Variants in POM121C observed in about 807,000 individuals in gnomAD.
POM121C encodes POM121 transmembrane nucleoporin C.
Under a neutral mutation model 66.4 loss-of-function variants are expected in POM121C, and 20 were observed. The ratio of observed to expected loss-of-function variants is 0.30; its 90% confidence interval spans 0.21 to 0.44. POM121C has a LOEUF of 0.44. POM121C is among the 20% of genes least tolerant of loss of function. The pLI is 1.00. For missense variants in POM121C, 580 were observed against 1,225.7 expected (o/e 0.47, Z 7.87); for synonymous variants, 286 against 528.0 (o/e 0.54, Z 6.28).
chr7:75,423,340 C>T, intron 12 of POM121C, 137 bp from the exon 13 acceptor site: 1 of 720,640 alleles, frequency 1.4e-6, no homozygotes, highest in Non-Finnish European at 2.3e-6. Context: ...TAAGTCTACA[C>T]TACAGGCCTG....
At chr7:75,433,936 T>C (rs1422285695) in intron 7 of POM121C, among the ~76,000 whole-genome samples, 2 of 152,198 alleles carry the variant, frequency 1.3e-5, no homozygotes, top group Non-Finnish European at 2.9e-5. Context: ...GATAACTTCC[T>C]AAAGGTAAAG....
At chr7:75,448,910 T>C (rs1162080891) in intron 3 of POM121C, among the ~76,000 whole-genome samples, 1 of 150,798 alleles carries the variant, frequency 6.6e-6, no homozygotes, top group African/African-American at 2.4e-5. Context: ...AAAGGAAAGG[T>C]AGAAAACCTT....
Position 75,418,516 on chromosome 7 carries a change from A to ACC in POM121C, c.*279_*280insGG, listed in dbSNP as rs1426605940. On this transcript the variant is annotated 3_prime_UTR_variant, in exon 15 of 15. Coordinates refer to ENST00000615331, the MANE Select transcript of POM121C (RefSeq NM_001099415.3). ...CGCTAAGCGGGAGTCAGGGCAGCGG[A>ACC]CACTATGTACAGGTCCTTAGTTCTC... The ACC allele has an allele frequency of 8.4e-7, 1 of 1,191,416 alleles. No homozygotes were observed. The highest frequency in any genetic ancestry group is 1.6e-5 in the African/African-American group (1 of 61,970). 73.8% of individuals were successfully genotyped at this position (1,191,416 alleles called of 1,614,324 possible). A position where few individuals can be genotyped will look rare whatever the true frequency, so the allele number is the denominator to read the frequency against.
rs1789556790 is a variant in POM121C at position 75,418,316 on chromosome 7, G to A, written c.*480C>T. 8.3e-6 allele frequency: 8 copies of A among 967,360 alleles called. No individual in the cohort carries two copies. The South Asian group carries it at 3.8e-4, about 46-fold the overall frequency. 59.9% of individuals were successfully genotyped at this position (967,360 alleles called of 1,614,324 possible). A position where few individuals can be genotyped will look rare whatever the true frequency, so the allele number is the denominator to read the frequency against. ...ATGGGGAAACAGAGTCCCCAGAAGG[G>A]ACCAGAGGAAGAGAACCACTTCTCA... On this transcript the variant is annotated 3_prime_UTR_variant, in exon 15 of 15. Coordinates refer to ENST00000615331, the MANE Select transcript of POM121C (RefSeq NM_001099415.3).
chr7:75,456,515 A>G (rs1791217737), intron 3 of POM121C, among the ~76,000 whole-genome samples: 3 of 152,176 alleles, frequency 2.0e-5, no homozygotes, highest in African/African-American at 7.2e-5. Flanking sequence ...GGCCCCAGTG[A>G]ACAGACGAAA....
intron 12 of POM121C, among the ~76,000 whole-genome samples, chr7:75,423,626 C>T (rs1203044205): frequency 5.3e-5 from 8 of 151,874 alleles, no homozygotes; most frequent in East Asian, 1.9e-4. Context: ...AAGAGGTGTG[C>T]GCGCGCAGTG....
intron 3 of POM121C, among the ~76,000 whole-genome samples, chr7:75,449,843 C>G (rs372278065): frequency 6.6e-6 from 1 of 151,826 alleles, no homozygotes; most frequent in South Asian, 2.1e-4. Context: ...TGGCCAGGCC[C>G]GTCTCTACTA....
intron 3 of POM121C, among the ~76,000 whole-genome samples, chr7:75,456,706 T>C (rs587603672): frequency 1.4e-4 from 21 of 152,390 alleles, no homozygotes; most frequent in African/African-American, 4.8e-4. Flanking sequence ...GGAAGCAAAA[T>C]GTATTGCCGC....
intron 1 of POM121C, among the ~76,000 whole-genome samples, chr7:75,481,404 A>C (rs1164970955): frequency 2.0e-5 from 3 of 152,118 alleles, no homozygotes; most frequent in African/African-American, 7.2e-5. Flanking sequence ...AATATTTACT[A>C]TCTGTTTAAA....
intron 3 of POM121C, among the ~76,000 whole-genome samples, chr7:75,455,781 C>T (rs1433253368): frequency 2.0e-5 from 3 of 152,162 alleles, no homozygotes; most frequent in African/African-American, 7.2e-5. Context: ...CATTGCATTC[C>T]TATCAGTTTA....
intron 3 of POM121C, among the ~76,000 whole-genome samples, chr7:75,452,155 C>G (rs1377346119): frequency 1.3e-4 from 19 of 151,816 alleles, no homozygotes; most frequent in South Asian, 6.2e-4. Context: ...CAGAGTGAGA[C>G]TCCGCCTCAA....
Position 75,422,897 on chromosome 7 carries a change from G to GC in POM121C, c.1354dup (p.Ala452GlyfsTer23). The GC allele has an allele frequency of 6.4e-7, 1 of 1,566,706 alleles. No homozygotes were observed. Among genetic ancestry groups the GC allele is most frequent in the Non-Finnish European group, 8.6e-7 (1 of 1,156,604 alleles). ...AGATGCTGAAGATGCAGCAGGGGCG[G>GC]CAGGGCTGGAAGGTGAGGTGTTCTG... On this transcript the variant is annotated frameshift_variant, in exon 13 of 15. Transcript: ENST00000615331. LOFTEE classifies it high-confidence loss of function.
At chr7:75,423,878 C>T (rs1554471301) in intron 12 of POM121C, among the ~76,000 whole-genome samples, 171 bp downstream of exon 12, 1 of 152,238 alleles carries the variant, frequency 6.6e-6, no homozygotes, top group Non-Finnish European at 1.5e-5. Context: ...TCTAACACTT[C>T]CTGATGTGGG....
At chr7:75,472,473 A>G (rs1791916722) in intron 3 of POM121C, among the ~76,000 whole-genome samples, 1 of 152,034 alleles carries the variant, frequency 6.6e-6, no homozygotes, top group African/African-American at 2.4e-5. Context: ...AGATTGTGCC[A>G]CTGCACTCCA....
At chr7:75,434,644 G>A (rs587719796) in intron 7 of POM121C, among the ~76,000 whole-genome samples, 1 of 148,080 alleles carries the variant, frequency 6.8e-6, no homozygotes, top group South Asian at 2.1e-4. Context: ...GTGCAGTGGC[G>A]CTATCTCTGC....
chr7:75,425,655 T>C lies in POM121C; in HGVS notation c.626A>G (p.Lys209Arg), dbSNP rs429710. The C allele has an allele frequency of 2.0e-5, 33 of 1,609,860 alleles. No individual in the cohort carries two copies. Among genetic ancestry groups the C allele is most frequent in the East Asian group, 2.2e-5 (1 of 44,864 alleles). The change falls in exon 9 of 15, where the codon AAG (lysine) becomes AGG (arginine). Residue 209 changes from lysine to arginine, a missense_variant. Lys to Arg is a conservative substitution (Grantham distance 26). Transcript: ENST00000615331. ...SSSSTPLAAD[K>R]ESQGEKAADT... ...CCTACCCTTTTCTCCCTGGGACTCCTTGTCTGCTGCCAATGGAGTTGAAGA... is the reference window on the plus strand; with the variant it reads ...CCTACCCTTTTCTCCCTGGGACTCCCTGTCTGCTGCCAATGGAGTTGAAGA...
At chr7:75,469,408 T>TCC (rs2116509618) in intron 3 of POM121C, among the ~76,000 whole-genome samples, 1 of 152,252 alleles carries the variant, frequency 6.6e-6, no homozygotes, top group South Asian at 2.1e-4. Context: ...AGGTCTACTT[T>TCC]CAAAATACAT....
rs1466897204 is a variant in POM121C at position 75,437,676 on chromosome 7, G to C, written c.319C>G (p.Leu107Val). The C allele has an allele frequency of 6.8e-6, 11 of 1,608,188 alleles. No homozygotes were observed. Among genetic ancestry groups the C allele is most frequent in the Admixed American group, 1.7e-5 (1 of 59,196 alleles). Residue 107 changes from leucine to valine, a missense_variant, in exon 7 of 15, where the codon CTG becomes GTG. Leu to Val is a conservative substitution (Grantham distance 32, BLOSUM62 1). Coordinates refer to ENST00000615331, the MANE Select transcript of POM121C (RefSeq NM_001099415.3). The part of the protein sequence containing the change: ...PASFVPKPGS[L>V]KRGLNSQSSD... ...CTCTGAGAATTGAGGCCTCTCTTCAGAGACCCAGGCCTAATAAAAGAGAAG... is the reference window on the plus strand; with the variant it reads ...CTCTGAGAATTGAGGCCTCTCTTCACAGACCCAGGCCTAATAAAAGAGAAG...
chr7:75,485,916 G>A lies in POM121C; in HGVS notation c.-510C>T, dbSNP rs1485917774. 1 of 498,778 alleles carries A rather than the reference G, an allele frequency of 2.0e-6. No individual in the cohort carries two copies. Among genetic ancestry groups the A allele is most frequent in the Non-Finnish European group, 4.0e-6 (1 of 252,306 alleles). The allele number at this position is 498,778 out of a possible 1,614,324, so 30.9% of individuals were successfully genotyped here. A position where few individuals can be genotyped will look rare whatever the true frequency, so the allele number is the denominator to read the frequency against. The stretch of plus-strand genomic sequence containing the variant: ...CACGGCTCCCGAGAGGCCGGGGCGG[G>A]CTGCTGTCGCTGGCGCGCGCGTCTG... On this transcript the variant is annotated 5_prime_UTR_variant, in exon 1 of 15. Coordinates refer to ENST00000615331, the MANE Select transcript of POM121C (RefSeq NM_001099415.3).
Sources: allele counts gnomAD v4.1 joint callset (sites outside exome capture counted in the v4.1 genomes callset), GRCh38; gene constraint gnomAD v4.1.1; transcripts MANE v1.5; gene names NCBI Gene and HGNC (gene_info 2026-07-23, HGNC 2026-07-21).